The following TRANK1 variants were observed in gnomAD, a reference collection of about 807,000 sequenced individuals.
The protein encoded by TRANK1 is TPR and ankyrin repeat-containing protein 1.
Under a neutral mutation model 266.0 loss-of-function variants are expected in TRANK1, and 198 were observed. That is an observed-to-expected ratio of 0.74 (90% CI 0.66 to 0.84). The LOEUF (loss-of-function observed/expected upper bound fraction) is 0.84. TRANK1 is among the 40% of genes least tolerant of loss of function. TRANK1 has a pLI of 0.00. For missense variants in TRANK1, 3,326 were observed against 3,634.6 expected (o/e 0.92, Z 2.18); for synonymous variants, 1,396 against 1,384.1 (o/e 1.01, Z -0.19).
intron 20 of TRANK1, 55 bp downstream of exon 20, chr3:36,838,317 T>C (rs2078797221): frequency 1.2e-6 from 2 of 1,602,464 alleles, no homozygotes; most frequent in East Asian, 2.2e-5. Context: ...TACCCCTCAA[T>C]CTGCTCAAGT....
At position 36,833,561 on chromosome 3, in the gene TRANK1, GT is replaced by G; in HGVS notation, c.6021del (p.Glu2007AspfsTer7). On this transcript the variant is annotated frameshift_variant, in exon 22 of 24. Coordinates refer to ENST00000645898, the MANE Select transcript of TRANK1 (RefSeq NM_001329998.2). LOFTEE classifies it high-confidence loss of function. ...GCTTCTCTCAGAATGTCCTTGGTGT[GT>G]TCTATGTCGGAATCCCTGGCCACAT... ...RLNVARDSDI[E>X]HTKDILREAL... The G allele has an allele frequency of 1.2e-6, 2 of 1,613,950 alleles. No individual in the cohort carries two copies. The highest frequency in any genetic ancestry group is 1.7e-6 in the Non-Finnish European group (2 of 1,179,908).
chr3:36,913,591 C>G (rs1340799897), intron 1 of TRANK1, among the ~76,000 whole-genome samples: 1 of 152,002 alleles, frequency 6.6e-6, no homozygotes, highest in South Asian at 2.1e-4. Flanking sequence ...GGATAAAAAT[C>G]CAAAGTCAGA....
At position 36,856,453 on chromosome 3, in the gene TRANK1, A is replaced by G; in HGVS notation, c.3269T>C (p.Leu1090Ser). Residue 1090 changes from leucine to serine, a missense_variant, in exon 13 of 24, where the codon TTG becomes TCG. Coordinates refer to ENST00000645898, the MANE Select transcript of TRANK1 (RefSeq NM_001329998.2). ...TGKTTCCLYR[L>S]WKKFHVYWEK... Reference sequence around the variant, plus strand: ...CCAGTAAACGTGGAATTTCTTCCACAATCTGTACAAGCAGCAGGTTGTCTT... The same window carrying G: ...CCAGTAAACGTGGAATTTCTTCCACGATCTGTACAAGCAGCAGGTTGTCTT... 1.2e-6 allele frequency: 2 copies of G among 1,613,984 alleles called. No homozygotes were observed. The highest frequency in any genetic ancestry group is 8.5e-7 in the Non-Finnish European group (1 of 1,179,866).
chr3:36,923,045 C>A (rs996612380), intron 1 of TRANK1, among the ~76,000 whole-genome samples: 3 of 152,178 alleles, frequency 2.0e-5, no homozygotes, highest in African/African-American at 7.2e-5. Flanking sequence ...TCACCAGACA[C>A]CTGCAAGTTA....
chr3:36,832,305 G>A lies in TRANK1; in HGVS notation c.7278C>T (p.Tyr2426=), dbSNP rs1559412895. ...TCATGAAACGGAAAAAGAGCCTCTT[G>A]TAGTCTTCTGGGTTCCTGTACACGT... ...QFYVYRNPED[Y]KRLFFRFMNV... is the part of the protein sequence containing the mutation. The change falls in exon 22 of 24, where the codon TAC becomes TAT. Residue 2426 remains tyrosine, a synonymous_variant. Coordinates refer to ENST00000645898, the MANE Select transcript of TRANK1 (RefSeq NM_001329998.2). The A allele has an allele frequency of 1.2e-6, 2 of 1,613,994 alleles. No homozygotes were observed. Among genetic ancestry groups the A allele is most frequent in the African/African-American group, 1.3e-5 (1 of 75,050 alleles).
chr3:36,865,974 CAGAG>C (rs554994287), intron 9 of TRANK1, among the ~76,000 whole-genome samples: 135 of 140,586 alleles, frequency 9.6e-4, no homozygotes, highest in African/African-American at 3.3e-3. Flanking sequence ...GAGACAGAGA[CAGAG>C]AGAGAGAGAA....
chr3:36,871,054 A>G (rs1331562944), intron 9 of TRANK1, among the ~76,000 whole-genome samples: 2 of 152,002 alleles, frequency 1.3e-5, no homozygotes, highest in Non-Finnish European at 2.9e-5. Context: ...TAAATAGAAC[A>G]TGCACAGTAT....
intron 10 of TRANK1, among the ~76,000 whole-genome samples, chr3:36,861,866 C>A (rs1052724856): frequency 1.3e-5 from 2 of 151,992 alleles, no homozygotes; most frequent in Admixed American, 1.3e-4. Flanking sequence ...CCACAACACC[C>A]GGCTACTTTT....
rs2080144420 is a variant in TRANK1 at position 36,917,590 on chromosome 3, T to A, written c.24-9136A>T. On this transcript the variant is annotated intron_variant, in intron 1 of 23. Transcript: ENST00000645898. ...TTTGTTTAAGGGAGGGCAGGAGATG[T>A]TGGAAGTTTGGTGGGAGCAGAGAAG... Among the ~76,000 whole-genome samples, 9 of 150,026 alleles carry A rather than the reference T, an allele frequency of 6.0e-5. No individual in the cohort carries two copies. The South Asian group carries it at 1.9e-3, about 31-fold the overall frequency.
At chr3:36,941,520 A>C (rs545053791) in intron 1 of TRANK1, among the ~76,000 whole-genome samples, 2 of 152,234 alleles carry the variant, frequency 1.3e-5, no homozygotes, top group Non-Finnish European at 2.9e-5. Context: ...AAAAACAAAC[A>C]AGGCAATACT....
chr3:36,833,599 G>A lies in TRANK1; in HGVS notation c.5984C>T (p.Ala1995Val), dbSNP rs764148574. Reference protein sequence around the residue: ...KDFQASCLLGAARLNVARDSD... With the variant: ...KDFQASCLLGVARLNVARDSD... ...ATCCCTGGCCACATTGAGGCGGGCG[G>A]CCCCCAGCAGACATGAGGCCTGGAA... Residue 1995 changes from alanine (A) to valine (V), a missense_variant, in exon 22 of 24, where the codon GCC (alanine) becomes GTC (valine). Coordinates refer to ENST00000645898, the MANE Select transcript of TRANK1 (RefSeq NM_001329998.2). 4 of 1,613,814 alleles carry A rather than the reference G, an allele frequency of 2.5e-6. No individual in the cohort carries two copies. The highest frequency in any genetic ancestry group is 3.4e-6 in the Non-Finnish European group (4 of 1,179,872).
chr3:36,930,507 C>T (rs2080347224), intron 1 of TRANK1, among the ~76,000 whole-genome samples: 1 of 152,144 alleles, frequency 6.6e-6, no homozygotes, highest in African/African-American at 2.4e-5. Context: ...TTTTAAGCCA[C>T]TAAGTTTGTG....
chr3:36,845,930 T>A (rs1483045842), intron 17 of TRANK1, among the ~76,000 whole-genome samples: 1 of 152,218 alleles, frequency 6.6e-6, no homozygotes, highest in East Asian at 1.9e-4. Context: ...TTTTGATAGA[T>A]ACTGTTAATC....
rs1372156325 is a variant in TRANK1 at position 36,892,272 on chromosome 3, G to A, written c.705C>T (p.Ser235=). The A allele has an allele frequency of 6.5e-7, 1 of 1,537,044 alleles. No homozygotes were observed. Among genetic ancestry groups the A allele is most frequent in the Non-Finnish European group, 8.7e-7 (1 of 1,146,898 alleles). ...QVPKLVQWLI[S]IGASVETIGP... Reference sequence around the variant, plus strand: ...CTATAGTCTCAACACTTGCACCAATGGAGATGAGCCACTGGACTAACTTGG... The same window carrying A: ...CTATAGTCTCAACACTTGCACCAATAGAGATGAGCCACTGGACTAACTTGG... The change falls in exon 7 of 24, where the codon TCC becomes TCT. Residue 235 remains serine, a synonymous_variant. Transcript: ENST00000645898.
rs1044354056 is a variant in TRANK1 at position 36,827,180 on chromosome 3, C to G, written c.*1095G>C. 6.6e-6 allele frequency: 1 copy of G among 152,342 alleles called. No homozygotes were observed. The highest frequency in any genetic ancestry group is 2.4e-5 in the African/African-American group (1 of 41,460). 9.4% of individuals were successfully genotyped at this position (152,342 alleles called of 1,614,324 possible). ...ATGAAGGTTTCCCAGGTGGGATCAG[C>G]TGATGGCTGCTGGCTCACTGTGGGG... On this transcript the variant is annotated 3_prime_UTR_variant, in exon 24 of 24. Coordinates refer to ENST00000645898, the MANE Select transcript of TRANK1 (RefSeq NM_001329998.2).
At chr3:36,930,998 T>C (rs2080353973) in intron 1 of TRANK1, among the ~76,000 whole-genome samples, 1 of 151,904 alleles carries the variant, frequency 6.6e-6, no homozygotes, top group East Asian at 1.9e-4. Flanking sequence ...GGTACAGATT[T>C]TAGATAATCT....
In TRANK1 at chr3:36,850,188, G is replaced by T. The variant is rs2078968114; in HGVS notation, c.4887+1531C>A. On this transcript the variant is annotated intron_variant, in intron 15 of 23. Transcript: ENST00000645898. ...TTTAGGAGAGCCTCAGTCCAACCAT[G>T]ACCGATGGATGTATCATTAGAAAAA... The T allele has an allele frequency of 3.0e-6, 3 of 985,302 alleles. No homozygotes were observed. The South Asian group carries it at 1.4e-4, about 46-fold the overall frequency. 61.0% of individuals were successfully genotyped at this position (985,302 alleles called of 1,614,324 possible). A position where few individuals can be genotyped will look rare whatever the true frequency, so the allele number is the denominator to read the frequency against.
chr3:36,852,795 A>C (rs1032867326), intron 13 of TRANK1, among the ~76,000 whole-genome samples: 1 of 132,196 alleles, frequency 7.6e-6, no homozygotes, highest in African/African-American at 2.9e-5. Context: ...AAAAAAAAAA[A>C]AAAACAATGA....
chr3:36,831,894 C>T lies in TRANK1; in HGVS notation c.7689G>A (p.Leu2563=), dbSNP rs374294971. ...TCACTAGCATCACCAAGCACAGCAC[C>T]AGTGTCCGCTCAGCCTCACCCGAGA... ...YVVSGEAERT[L]VLCLVMLVNA... Residue 2563 remains leucine (L), a synonymous_variant, in exon 22 of 24, where the codon CTG becomes CTA. Transcript: ENST00000645898. The surrounding 1 kb of genome is among the most constrained non-coding windows in gnomAD (Gnocchi z 5.0). 1.9e-6 allele frequency: 3 copies of T among 1,614,032 alleles called. No individual in the cohort carries two copies. Among genetic ancestry groups the T allele is most frequent in the Non-Finnish European group, 2.5e-6 (3 of 1,179,894 alleles).
Sources: allele counts gnomAD v4.1 joint callset (sites outside exome capture counted in the v4.1 genomes callset), GRCh38; gene constraint gnomAD v4.1.1; non-coding constraint Gnocchi (gnomAD v3.1); transcripts MANE v1.5; gene names NCBI Gene and HGNC (gene_info 2026-07-23, HGNC 2026-07-21).